The following KCTD3 variants were observed in gnomAD, a reference collection of about 807,000 sequenced individuals.
The protein encoded by KCTD3 is potassium channel tetramerization domain containing 3, also known as BTB/POZ domain-containing protein KCTD3.
KCTD3 carries 41 observed loss-of-function variants against 85.8 expected under a neutral mutation model. The observed-to-expected ratio is 0.48, with a 90% CI of 0.37 to 0.62. KCTD3 has a LOEUF of 0.62. KCTD3 is among the 20% of genes least tolerant of loss of function. The pLI, the probability that KCTD3 is intolerant of heterozygous loss-of-function variation, is 0.00. For synonymous variants in KCTD3, 338 were observed against 345.4 expected (o/e 0.98, Z 0.24); for missense variants, 724 against 989.9 (o/e 0.73, Z 3.60).
Position 215,588,313 on chromosome 1 carries a change from G to A in KCTD3, c.817+1628G>A, listed in dbSNP as rs559949772. Reference sequence around the variant, plus strand: ...TATTAAGATATATAGTTGAAATTAAGTTTTTATCAGTACAAATTTTTACTG... The same window carrying A: ...TATTAAGATATATAGTTGAAATTAAATTTTTATCAGTACAAATTTTTACTG... On this transcript the variant is annotated intron_variant, in intron 9 of 17. Transcript: ENST00000259154. 1.5e-3 allele frequency among the ~76,000 whole-genome samples: 235 copies of A among 152,084 alleles called. 1 individual carries two copies. The highest frequency in any genetic ancestry group is 6.8e-3 in the Middle Eastern group (2 of 294).
At chr1:215,576,379 T>G (rs1659583782) in intron 4 of KCTD3, among the ~76,000 whole-genome samples, 1 of 150,968 alleles carries the variant, frequency 6.6e-6, no homozygotes, top group South Asian at 2.1e-4. Context: ...AGAAAAGGTT[T>G]TTTTTTTTTT....
intron 10 of KCTD3, among the ~76,000 whole-genome samples, chr1:215,597,064 T>A (rs1398106337): frequency 6.6e-6 from 1 of 152,170 alleles, no homozygotes; most frequent in Non-Finnish European, 1.5e-5. Context: ...TGGGATCCCA[T>A]GTAGTTCTTT....
intron 15 of KCTD3, among the ~76,000 whole-genome samples, chr1:215,617,778 A>T (rs1655512478): frequency 6.8e-6 from 1 of 146,838 alleles, no homozygotes; most frequent in South Asian, 2.1e-4. Flanking sequence ...TTGTCCCACT[A>T]TATATATATA....
chr1:215,568,571 A>T (rs1659244499), intron 1 of KCTD3, among the ~76,000 whole-genome samples: 1 of 138,052 alleles, frequency 7.2e-6, no homozygotes, highest in African/African-American at 2.7e-5. Context: ...CCTATAACTT[A>T]TGAGTCACTC....
chr1:215,572,318 A>C (rs112888435), intron 1 of KCTD3, among the ~76,000 whole-genome samples: 3,278 of 152,352 alleles, frequency 0.022, 110 homozygotes, highest in African/African-American at 0.073. Context: ...AAGAAAAAAC[A>C]ACATCTACTT....
intron 1 of KCTD3, among the ~76,000 whole-genome samples, chr1:215,572,631 A>G (rs1260136965): frequency 6.6e-6 from 1 of 152,184 alleles, no homozygotes; most frequent in Admixed American, 6.5e-5. Context: ...AGCAACTTCC[A>G]CGTTTTTGAT....
chr1:215,572,467 A>G (rs1200066366), intron 1 of KCTD3, among the ~76,000 whole-genome samples: 3 of 152,224 alleles, frequency 2.0e-5, no homozygotes, highest in Non-Finnish European at 4.4e-5. Flanking sequence ...GAGATCTGTG[A>G]GACTTCTGAC....
At position 215,570,971 on chromosome 1, in the gene KCTD3, A is replaced by T. The variant is rs58411583; in HGVS notation, c.84-2815A>T. ...AGACTGGTTTTGGGGCCAGAAGTTT[A>T]AAAAAAAATTGGTGGGGATGAGGGT... On this transcript the variant is annotated intron_variant, in intron 1 of 17. Transcript: ENST00000259154. Among the ~76,000 whole-genome samples, 806 of 151,762 alleles carry T rather than the reference A, an allele frequency of 5.3e-3. 14 individuals carry two copies. Among genetic ancestry groups the T allele is most frequent in the African/African-American group, 0.019 (777 of 41,442 alleles).
In KCTD3 at chr1:215,621,795, A is replaced by ATGAT. The variant is rs1376127497; in HGVS notation, c.*1179_*1182dup. 1 of 152,574 alleles carries ATGAT rather than the reference A, an allele frequency of 6.6e-6. No homozygotes were observed. Among genetic ancestry groups the ATGAT allele is most frequent in the African/African-American group, 2.4e-5 (1 of 41,446 alleles). 9.5% of individuals were successfully genotyped at this position (152,574 alleles called of 1,614,324 possible). On this transcript the variant is annotated 3_prime_UTR_variant, in exon 18 of 18. Transcript: ENST00000259154. ...TATTTATCAATTAAATCAAATAAAAATGATTATGTCAATGCGTTTTCAGTT... is the reference window on the plus strand; with the variant it reads ...TATTTATCAATTAAATCAAATAAAAATGATTGATTATGTCAATGCGTTTTCAGTT...
In KCTD3 at chr1:215,577,737, T is replaced by A; in HGVS notation, c.316+9T>A. 6.4e-7 allele frequency: 1 copy of A among 1,570,016 alleles called. No individual in the cohort carries two copies. ...CGGGATCACTCCATTAGGTATGTGC[T>A]CTTTTAATATTTGGTGTTTATGATT... is the stretch of plus-strand genomic sequence containing the variant. On this transcript the variant is annotated intron_variant, in intron 5 of 17. Coordinates refer to ENST00000259154, the MANE Select transcript of KCTD3 (RefSeq NM_016121.5).
chr1:215,595,496 G>A (rs1275607685), intron 10 of KCTD3, 25 bp downstream of exon 10: 1 of 1,325,556 alleles, frequency 7.5e-7, no homozygotes, highest in Admixed American at 1.7e-5. Context: ...TATTACAGAA[G>A]TGAAAATATT....
chr1:215,592,093 G>A (rs1341213823), intron 9 of KCTD3, among the ~76,000 whole-genome samples: 4 of 152,128 alleles, frequency 2.6e-5, no homozygotes, highest in South Asian at 2.1e-4. Context: ...TCACAAGAAC[G>A]ACAAAGGAAA....
At chr1:215,598,986 A>G (rs866695943) in intron 10 of KCTD3, among the ~76,000 whole-genome samples, 1 of 152,232 alleles carries the variant, frequency 6.6e-6, no homozygotes, top group Non-Finnish European at 1.5e-5. Flanking sequence ...TAAATGTGCT[A>G]TAATAAAAGA....
chr1:215,572,460 A>G (rs1004156189), intron 1 of KCTD3, among the ~76,000 whole-genome samples: 1 of 152,198 alleles, frequency 6.6e-6, no homozygotes, highest in Admixed American at 6.5e-5. Flanking sequence ...AAGTTGAGAG[A>G]TCTGTGAGAC....
chr1:215,577,881 C>T, intron 5 of KCTD3, 120 bp from the exon 6 acceptor site: 1 of 1,445,232 alleles, frequency 6.9e-7, no homozygotes, highest in Admixed American at 2.1e-5. Flanking sequence ...GTTGTCAACT[C>T]TGACTTAATT....
chr1:215,606,331 G>T (rs1655019944), intron 13 of KCTD3, among the ~76,000 whole-genome samples: 1 of 151,936 alleles, frequency 6.6e-6, no homozygotes, highest in Admixed American at 6.6e-5. Context: ...TTCTCTAACG[G>T]TACCTTGCTT....
Position 215,620,097 on chromosome 1 carries a change from A to T in KCTD3, c.1927A>T (p.Thr643Ser). 2 of 1,610,416 alleles carry T rather than the reference A, an allele frequency of 1.2e-6. No individual in the cohort carries two copies. Among genetic ancestry groups the T allele is most frequent in the South Asian group, 2.2e-5 (2 of 90,280 alleles). ...CCATGATACCACCCATGAAGCAGCTACTTACGGTTCCATGAGGCCTTACAG... is the reference window on the plus strand; with the variant it reads ...CCATGATACCACCCATGAAGCAGCTTCTTACGGTTCCATGAGGCCTTACAG... Reference protein sequence around the residue: ...QHHDTTHEAATYGSMRPYRES... With the variant: ...QHHDTTHEAASYGSMRPYRES... The change falls in exon 18 of 18, where the codon ACT becomes TCT. Residue 643 changes from threonine to serine, a missense_variant. Thr to Ser is a moderately conservative substitution (Grantham distance 58). Coordinates refer to ENST00000259154, the MANE Select transcript of KCTD3 (RefSeq NM_016121.5).
In KCTD3 at chr1:215,611,910, G is replaced by T; in HGVS notation, c.1551G>T (p.Ser517=). Residue 517 remains serine (S), a synonymous_variant, in exon 15 of 18, where the codon TCG becomes TCT. Coordinates refer to ENST00000259154, the MANE Select transcript of KCTD3 (RefSeq NM_016121.5). ...ACAAACTATTTGTAAGACTCTCATC[G>T]ACTGGAAAAAGGTAACACTTTATTG... is the stretch of plus-strand genomic sequence containing the variant. ...ITNKLFVRLS[S]TGKRICEIQA... 1.9e-6 allele frequency: 3 copies of T among 1,598,798 alleles called. No homozygotes were observed. Among genetic ancestry groups the T allele is most frequent in the Middle Eastern group, 1.7e-4 (1 of 6,012 alleles).
At chr1:215,604,925 TAATTA>T (rs1654957101) in intron 13 of KCTD3, among the ~76,000 whole-genome samples, 1 of 152,024 alleles carries the variant, frequency 6.6e-6, no homozygotes, top group Non-Finnish European at 1.5e-5. Flanking sequence ...ATAAAATTTT[TAATTA>T]AATATTAATT....
Sources: allele counts gnomAD v4.1 joint callset (sites outside exome capture counted in the v4.1 genomes callset), GRCh38; gene constraint gnomAD v4.1.1; transcripts MANE v1.5; gene names NCBI Gene and HGNC (gene_info 2026-07-23, HGNC 2026-07-21).